The following LRRC7 variants were observed in gnomAD, a reference collection of about 807,000 sequenced individuals.
The protein encoded by LRRC7 is leucine-rich repeat-containing protein 7.
Under a neutral mutation model 175.7 loss-of-function variants are expected in LRRC7, and 23 were observed. The observed-to-expected ratio is 0.13, with a 90% CI of 0.09 to 0.19. LRRC7 has a LOEUF of 0.19. Ranked by LOEUF, LRRC7 falls within the 10% of genes least tolerant of loss-of-function variation. The probability of loss-of-function intolerance (pLI) is 1.00; values close to 1 mark genes in which losing one functional copy is unlikely to be tolerated. For missense variants in LRRC7, 1,354 were observed against 1,904.7 expected, an observed-to-expected ratio of 0.71 and a Z score of 5.38; for synonymous variants, 685 against 680.9, an observed-to-expected ratio of 1.01 and a Z score of -0.09.
chr1:70,034,798 C>T (rs1302320583), intron 18 of LRRC7, among the ~76,000 whole-genome samples: 2 of 152,150 alleles, frequency 1.3e-5, no homozygotes, highest in Non-Finnish European at 2.9e-5. Flanking sequence ...TTGAAATATT[C>T]TATTTAAAAA....
intron 1 of LRRC7, among the ~76,000 whole-genome samples, chr1:69,577,811 C>T (rs1384341530): frequency 1.1e-4 from 17 of 152,188 alleles, no homozygotes; most frequent in East Asian, 1.9e-4. Flanking sequence ...AGTCAGGTAG[C>T]GTGATGCCTC....
intron 1 of LRRC7, among the ~76,000 whole-genome samples, chr1:69,650,698 T>C (rs1655705297): frequency 6.9e-6 from 1 of 145,512 alleles, no homozygotes; most frequent in Admixed American, 7.0e-5. Flanking sequence ...ATAAAATTAG[T>C]GTTTTTAGCC....
At chr1:69,728,066 T>C (rs936964092) in intron 2 of LRRC7, among the ~76,000 whole-genome samples, 1 of 152,196 alleles carries the variant, frequency 6.6e-6, no homozygotes, top group Non-Finnish European at 1.5e-5. Flanking sequence ...GTGTATTTAC[T>C]GGCAGTTTTA....
At chr1:69,899,074 GTATTTTTT>G (rs1373272333) in intron 7 of LRRC7, among the ~76,000 whole-genome samples, 2 of 152,186 alleles carry the variant, frequency 1.3e-5, no homozygotes, top group Non-Finnish European at 2.9e-5. Flanking sequence ...GGAGATTTTA[GTATTTTTT>G]TATCTGTGAG....
chr1:70,046,519 GAAGAA>G (rs894577559), intron 22 of LRRC7, among the ~76,000 whole-genome samples: 21 of 152,052 alleles, frequency 1.4e-4, no homozygotes, highest in African/African-American at 4.6e-4. Context: ...ACCAAAAAAA[GAAGAA>G]AAGTAGAGAA....
chr1:69,762,564 G>T (rs996710674), intron 3 of LRRC7, among the ~76,000 whole-genome samples: 4 of 151,960 alleles, frequency 2.6e-5, no homozygotes, highest in African/African-American at 9.7e-5. Flanking sequence ...TGGAACTGCA[G>T]GTGCATGGAT....
intron 7 of LRRC7, among the ~76,000 whole-genome samples, chr1:69,889,596 C>G (rs188632518): frequency 6.6e-6 from 1 of 152,254 alleles, no homozygotes; most frequent in African/African-American, 2.4e-5. Flanking sequence ...TACTTCAGCC[C>G]AGAAGTTCGC....
intron 10 of LRRC7, 30 bp from the exon 11 acceptor site, chr1:69,994,531 T>A (rs774860323): frequency 7.2e-7 from 1 of 1,394,844 alleles, no homozygotes; most frequent in South Asian, 1.2e-5. Context: ...TCTGCTCTTA[T>A]GTATTAATCA....
At chr1:69,875,700 T>C (rs1685978640) in intron 7 of LRRC7, among the ~76,000 whole-genome samples, 1 of 152,032 alleles carries the variant, frequency 6.6e-6, no homozygotes, top group Non-Finnish European at 1.5e-5. Flanking sequence ...ATTTTCAGCC[T>C]CAATATATAC....
At chr1:69,880,568 T>A (rs1479372125) in intron 7 of LRRC7, among the ~76,000 whole-genome samples, 1 of 152,152 alleles carries the variant, frequency 6.6e-6, no homozygotes, top group African/African-American at 2.4e-5. Context: ...GGGGTCTATG[T>A]TTCTCTAAGT....
rs1009709535 is a variant in LRRC7 at position 70,136,398 on chromosome 1, A to C, written c.*14511A>C. Among the ~76,000 whole-genome samples, 1 of 152,128 alleles carries C rather than the reference A, an allele frequency of 6.6e-6. No homozygotes were observed. Among genetic ancestry groups the C allele is most frequent in the Admixed American group, 6.6e-5 (1 of 15,264 alleles). On this transcript the variant is annotated 3_prime_UTR_variant, in exon 27 of 27. Transcript: ENST00000651989. ...CCATTCTAAGGTTTGTCCTCTAGCC[A>C]ATCTATATGTTTATCCTTTTTTAAA...
At chr1:69,996,959 GA>G (rs1655043034) in intron 11 of LRRC7, among the ~76,000 whole-genome samples, 1 of 152,140 alleles carries the variant, frequency 6.6e-6, no homozygotes, top group Non-Finnish European at 1.5e-5. Context: ...GCTTGATGGG[GA>G]TGGCATTGAA....
intron 25 of LRRC7, among the ~76,000 whole-genome samples, chr1:70,104,492 A>G (rs1398865429): frequency 6.6e-6 from 1 of 152,212 alleles, no homozygotes; most frequent in Non-Finnish European, 1.5e-5. Context: ...CAAAGCAGTC[A>G]TTGCTTTCTG....
chr1:69,915,820 C>CATGA, intron 7 of LRRC7, among the ~76,000 whole-genome samples: 1 of 151,560 alleles, frequency 6.6e-6, no homozygotes, highest in Non-Finnish European at 1.5e-5. Context: ...GTGTCAGGCA[C>CATGA]TATTTACATG....
At chr1:69,866,020 T>C (rs908321455) in intron 7 of LRRC7, among the ~76,000 whole-genome samples, 9 of 152,180 alleles carry the variant, frequency 5.9e-5, no homozygotes, top group Non-Finnish European at 1.0e-4. Flanking sequence ...TCAGTTACCA[T>C]TGGGCAAGAT....
chr1:69,806,101 T>C (rs1050518420), intron 4 of LRRC7, among the ~76,000 whole-genome samples: 2 of 151,954 alleles, frequency 1.3e-5, no homozygotes, highest in Non-Finnish European at 2.9e-5. Flanking sequence ...AGCTTCAGTG[T>C]AAACTCCTTG....
intron 2 of LRRC7, among the ~76,000 whole-genome samples, chr1:69,740,995 A>T (rs1382718808): frequency 6.6e-6 from 1 of 151,988 alleles, no homozygotes; most frequent in Non-Finnish European, 1.5e-5. Context: ...TAAATAATAA[A>T]TAACGAATAT....
At chr1:69,664,010 C>T (rs1229528775) in intron 1 of LRRC7, among the ~76,000 whole-genome samples, 8 of 152,044 alleles carry the variant, frequency 5.3e-5, no homozygotes, top group East Asian at 1.9e-4. Flanking sequence ...CGTGAGCCAC[C>T]GCGCCCGGCC....
Position 70,128,684 on chromosome 1 carries a change from A to T in LRRC7, c.*6797A>T, listed in dbSNP as rs1018197969. On this transcript the variant is annotated 3_prime_UTR_variant, in exon 27 of 27. Transcript: ENST00000651989. ...TAAAATAAATATTTGTTGGGCATCA[A>T]CTACATATCAGGTACTATGAGGGAT... is the stretch of plus-strand genomic sequence containing the variant. 2 of 152,220 alleles carry T rather than the reference A, an allele frequency of 1.3e-5. No individual in the cohort carries two copies. Among genetic ancestry groups the T allele is most frequent in the Admixed American group, 1.3e-4 (2 of 15,284 alleles). The allele number at this position is 152,220 out of a possible 1,614,324, so 9.4% of individuals were successfully genotyped here.
Sources: allele counts gnomAD v4.1 joint callset (sites outside exome capture counted in the v4.1 genomes callset), GRCh38; gene constraint gnomAD v4.1.1; transcripts MANE v1.5; gene names NCBI Gene and HGNC (gene_info 2026-07-23, HGNC 2026-07-21).